The following ADAMTS17 variants were observed in gnomAD, a reference collection of about 807,000 sequenced individuals.
The protein encoded by ADAMTS17 is A disintegrin and metalloproteinase with thrombospondin motifs 17.
In ADAMTS17, 113 loss-of-function variants were observed where a neutral mutation model predicts 141.5. The observed-to-expected ratio is 0.80, with a 90% CI of 0.69 to 0.93. ADAMTS17 has a LOEUF of 0.93. Among genes scored for constraint, ADAMTS17 ranks in the 40% least tolerant of loss-of-function variants. The probability of loss-of-function intolerance (pLI) is 0.00; values close to 1 mark genes in which losing one functional copy is unlikely to be tolerated. For missense variants in ADAMTS17, 1,659 were observed against 1,517.9 expected, an observed-to-expected ratio of 1.09 and a Z score of -1.54; for synonymous variants, 768 against 630.6, an observed-to-expected ratio of 1.22 and a Z score of -3.27.
intron 3 of ADAMTS17, among the ~76,000 whole-genome samples, chr15:100,281,817 G>T (rs568788244): frequency 6.6e-6 from 1 of 152,306 alleles, no homozygotes; most frequent in East Asian, 1.9e-4. Flanking sequence ...CTGGGCAGAG[G>T]GGACAGGACA....
intron 9 of ADAMTS17, among the ~76,000 whole-genome samples, chr15:100,153,354 C>T (rs1297724674): frequency 2.0e-5 from 3 of 152,056 alleles, no homozygotes; most frequent in East Asian, 1.9e-4. Context: ...AAAGAGTGAA[C>T]TGGGGGCCGG....
At chr15:100,330,759 C>A (rs2046026281) in intron 3 of ADAMTS17, 130 bp downstream of exon 3, 2 of 1,191,426 alleles carry the variant, frequency 1.7e-6, no homozygotes, top group African/African-American at 3.0e-5. Context: ...GGTCTCAGGG[C>A]AATAAAACAG....
intron 18 of ADAMTS17, among the ~76,000 whole-genome samples, chr15:100,040,753 G>T (rs935613116): frequency 1.3e-5 from 2 of 151,700 alleles, no homozygotes; most frequent in African/African-American, 2.4e-5. Flanking sequence ...GATAAATAAG[G>T]TAAGGCTTTA....
Position 100,237,541 on chromosome 15 carries a change from G to A in ADAMTS17, c.1075+16595C>T, listed in dbSNP as rs547323111. Among the ~76,000 whole-genome samples, 8 of 152,358 alleles carry A rather than the reference G, an allele frequency of 5.3e-5. No homozygotes were observed. The South Asian group carries it at 1.0e-3, about 20-fold the overall frequency. On this transcript the variant is annotated intron_variant, in intron 7 of 21. Transcript: ENST00000268070. ...AGCAGGCATTGTGCAGGAGGGACTC[G>A]ATGGGCAAGCCTCACAGCAGTCCCG...
intron 14 of ADAMTS17, among the ~76,000 whole-genome samples, chr15:100,107,479 C>T (rs538864994): frequency 5.9e-5 from 9 of 152,236 alleles, no homozygotes; most frequent in African/African-American, 1.4e-4. Context: ...ATGACAGGAA[C>T]GCGTATGTGT....
At chr15:100,014,320 C>G (rs903101135) in intron 18 of ADAMTS17, among the ~76,000 whole-genome samples, 1 of 152,066 alleles carries the variant, frequency 6.6e-6, no homozygotes. Flanking sequence ...TTTTATTTAT[C>G]TTTTCAAAGA....
At chr15:100,257,725 A>T (rs2043374478) in intron 6 of ADAMTS17, among the ~76,000 whole-genome samples, 2 of 152,238 alleles carry the variant, frequency 1.3e-5, no homozygotes, top group Non-Finnish European at 2.9e-5. Context: ...GTTAAAACAG[A>T]ACATTTTTAC....
intron 2 of ADAMTS17, among the ~76,000 whole-genome samples, chr15:100,334,962 T>C (rs940545281): frequency 1.3e-5 from 2 of 152,096 alleles, no homozygotes; most frequent in Non-Finnish European, 2.9e-5. Flanking sequence ...CTGCTCTAAG[T>C]GCTCCCCTCG....
At chr15:100,109,169 T>G in intron 13 of ADAMTS17, 53 bp from the exon 14 acceptor site, 2 of 1,563,570 alleles carry the variant, frequency 1.3e-6, no homozygotes, top group East Asian at 4.8e-5. Flanking sequence ...GCGTGGGCCA[T>G]GCAGGGCACA....
rs372942846 is a variant in ADAMTS17 at position 100,001,634 on chromosome 15, T to C, written c.2592-4045A>G. On this transcript the variant is annotated intron_variant, in intron 18 of 21. Transcript: ENST00000268070. ...AGGCAGTGTGTGAGAAATCTCTCTG[T>C]ACCTTCCTCTCAATTTTGATGTGAA... 2.2e-4 allele frequency among the ~76,000 whole-genome samples: 34 copies of C among 152,236 alleles called. No homozygotes were observed. In the East Asian group the frequency reaches 4.6e-3, roughly 21 times the overall value.
intron 7 of ADAMTS17, among the ~76,000 whole-genome samples, chr15:100,240,976 C>T (rs1229875316): frequency 6.6e-6 from 1 of 152,134 alleles, no homozygotes; most frequent in Non-Finnish European, 1.5e-5. Flanking sequence ...CAGGTGCCCG[C>T]CACCAAGCCC....
rs1358532485 is a variant in ADAMTS17 at position 99,997,914 on chromosome 15, G to A, written c.2592-325C>T. Among the ~76,000 whole-genome samples the A allele has an allele frequency of 6.6e-6, 1 of 152,156 alleles. No homozygotes were observed. The highest frequency in any genetic ancestry group is 1.5e-5 in the Non-Finnish European group (1 of 68,022). ...TCATAGGACCTGCTTCTTTCGACAG[G>A]GTGTGAGTGAAGAGGATGCTGGCGG... On this transcript the variant is annotated intron_variant, in intron 18 of 21. Coordinates refer to ENST00000268070, the MANE Select transcript of ADAMTS17 (RefSeq NM_139057.4). The surrounding 1 kb of genome is among the most constrained non-coding windows in gnomAD (Gnocchi z 4.7).
chr15:100,310,075 G>C (rs1399233319), intron 3 of ADAMTS17, among the ~76,000 whole-genome samples: 1 of 152,202 alleles, frequency 6.6e-6, no homozygotes, highest in Admixed American at 6.5e-5. Flanking sequence ...TTTATACTAA[G>C]GCAGGCAGCT....
intron 6 of ADAMTS17, among the ~76,000 whole-genome samples, chr15:100,259,562 T>C (rs570268749): frequency 1.3e-5 from 2 of 152,376 alleles, no homozygotes; most frequent in East Asian, 3.9e-4. Context: ...TGCCTGCTAC[T>C]ACATCAGCCA....
At chr15:100,077,461 C>CAAAAAAAAAAAAAAAAAAAAA (rs61464362) in intron 15 of ADAMTS17, among the ~76,000 whole-genome samples, 1 of 139,334 alleles carries the variant, frequency 7.2e-6, no homozygotes, top group African/African-American at 2.7e-5. Context: ...GACTCCCTCT[C>CAAAAAAAAAAAAAAAAAAAAA]AAAAAAAAAA....
intron 10 of ADAMTS17, among the ~76,000 whole-genome samples, chr15:100,139,867 G>A (rs151286209): frequency 6.6e-6 from 1 of 152,304 alleles, no homozygotes; most frequent in Non-Finnish European, 1.5e-5. Flanking sequence ...TAGGATCCTG[G>A]TATACAGAAA....
chr15:100,148,429 G>T (rs1191339366), intron 10 of ADAMTS17, among the ~76,000 whole-genome samples: 1 of 151,630 alleles, frequency 6.6e-6, no homozygotes, highest in Non-Finnish European at 1.5e-5. Context: ...GGGCCTCTTG[G>T]TGATACATTT....
intron 2 of ADAMTS17, among the ~76,000 whole-genome samples, chr15:100,337,939 C>T (rs538922421): frequency 6.5e-4 from 99 of 152,288 alleles, no homozygotes; most frequent in African/African-American, 2.3e-3. Flanking sequence ...GCAGCTGATC[C>T]GAACTTACAT....
intron 8 of ADAMTS17, among the ~76,000 whole-genome samples, chr15:100,176,202 G>T (rs183541554): frequency 1.3e-5 from 2 of 152,204 alleles, no homozygotes; most frequent in East Asian, 3.9e-4. Flanking sequence ...TATTACTGAC[G>T]GTGAGATGGG....
Sources: allele counts gnomAD v4.1 joint callset (sites outside exome capture counted in the v4.1 genomes callset), GRCh38; gene constraint gnomAD v4.1.1; non-coding constraint Gnocchi (gnomAD v3.1); transcripts MANE v1.5; gene names NCBI Gene and HGNC (gene_info 2026-07-23, HGNC 2026-07-21).